The following BCAS3 variants were observed in gnomAD, a reference collection of about 807,000 sequenced individuals.
The protein encoded by BCAS3 is BCAS4/BCAS3 fusion.
Under a neutral mutation model 116.1 loss-of-function variants are expected in BCAS3, and 53 were observed. The ratio of observed to expected loss-of-function variants is 0.46; its 90% CI spans 0.37 to 0.57. The LOEUF is 0.57. Ranked by LOEUF, BCAS3 falls within the 20% of genes least tolerant of loss-of-function variation. The pLI is 0.00. For synonymous variants in BCAS3, 391 were observed against 408.2 expected (o/e 0.96, Z 0.51); for missense variants, 917 against 1,165.4 (o/e 0.79, Z 3.10).
chr17:61,288,688 G>A (rs7215706), intron 22 of BCAS3, among the ~76,000 whole-genome samples: 93,252 of 152,042 alleles, frequency 0.61, 31,287 homozygotes, highest in South Asian at 0.84. Context: ...ATGGCGCACT[G>A]AAGGACTGGA....
chr17:60,951,760 CTTTCT>C (rs1315742638), intron 14 of BCAS3, among the ~76,000 whole-genome samples: 3 of 121,686 alleles, frequency 2.5e-5, no homozygotes, highest in African/African-American at 9.6e-5. Context: ...ATTTTCTTTT[CTTTCT>C]TTTTTTTTTT....
At chr17:60,693,677 T>C (rs1047734644) in intron 4 of BCAS3, among the ~76,000 whole-genome samples, 3 of 151,668 alleles carry the variant, frequency 2.0e-5, no homozygotes, top group African/African-American at 7.3e-5. Context: ...CCTCATAAAG[T>C]ACTGGGATTG....
intron 4 of BCAS3, among the ~76,000 whole-genome samples, chr17:60,708,606 C>T (rs2037477536): frequency 6.6e-6 from 1 of 152,090 alleles, no homozygotes; most frequent in African/African-American, 2.4e-5. Context: ...TCTTGGCTCA[C>T]TGCAACCTCT....
rs552542691 is a variant in BCAS3, at chr17:60,760,308, C to T, written c.403+13029C>T. The stretch of plus-strand genomic sequence containing the variant: ...TACCAGTGAGTTTTATATTTTTGTG[C>T]ATTTTCATGATAGGGTATGTGTTAT... On this transcript the variant is annotated intron_variant, in intron 6 of 23. Transcript: ENST00000407086. Among the ~76,000 whole-genome samples the T allele has an allele frequency of 2.1e-4, 32 of 152,098 alleles. No homozygotes were observed. In the South Asian group the frequency reaches 4.2e-3, roughly 20 times the overall value.
At chr17:61,081,798 G>A (rs2072635804) in intron 21 of BCAS3, among the ~76,000 whole-genome samples, 1 of 152,088 alleles carries the variant, frequency 6.6e-6, no homozygotes, top group South Asian at 2.1e-4. Flanking sequence ...GATCACTCTA[G>A]CCCAGCTCCT....
rs530472288 is a variant in BCAS3, at chr17:61,339,739, C to T, written c.2426-28588C>T. Among the ~76,000 whole-genome samples the T allele has an allele frequency of 6.7e-5, 10 of 148,220 alleles. No homozygotes were observed. Among genetic ancestry groups the T allele is most frequent in the South Asian group, 2.2e-4 (1 of 4,584 alleles). ...TGAGATCGCGCCACTGTACTCCAGT[C>T]GGGGCGACAAAGCGAGACCCCATCT... is the stretch of plus-strand genomic sequence containing the variant. On this transcript the variant is annotated intron_variant, in intron 22 of 23. Coordinates refer to ENST00000407086, the MANE Select transcript of BCAS3 (RefSeq NM_017679.5). This position sits in a 1 kb window ranked among gnomAD's most constrained non-coding sequence, Gnocchi z 4.4.
rs117363689 is a variant in BCAS3, at chr17:61,244,344, T to A, written c.2426-123983T>A. The stretch of plus-strand genomic sequence containing the variant: ...CACACTGAGCTTATTTACCATTAGG[T>A]AATGAGTCTTACCTGTCCAGTAATG... On this transcript the variant is annotated intron_variant, in intron 22 of 23. Coordinates refer to ENST00000407086, the MANE Select transcript of BCAS3 (RefSeq NM_017679.5). This position sits in a 1 kb window ranked among gnomAD's most constrained non-coding sequence, Gnocchi z 4.9. Among the ~76,000 whole-genome samples the A allele has an allele frequency of 1.7e-3, 253 of 152,294 alleles. 7 individuals carry two copies. In the East Asian group the frequency reaches 0.041, roughly 24 times the overall value.
intron 16 of BCAS3, among the ~76,000 whole-genome samples, chr17:61,024,018 A>G (rs2066052395): frequency 6.6e-6 from 1 of 152,284 alleles, no homozygotes; most frequent in South Asian, 2.1e-4. Flanking sequence ...TCCCACTCAC[A>G]TCATCTCTTT....
intron 22 of BCAS3, among the ~76,000 whole-genome samples, chr17:61,319,212 G>T (rs1159550925): frequency 6.6e-6 from 1 of 152,140 alleles, no homozygotes; most frequent in East Asian, 1.9e-4. Context: ...AGGTAGCCAG[G>T]GTCAGAGAAT....
intron 9 of BCAS3, among the ~76,000 whole-genome samples, chr17:60,880,815 ATC>A (rs1251768252): frequency 2.0e-5 from 3 of 152,088 alleles, no homozygotes; most frequent in African/African-American, 7.2e-5. Flanking sequence ...CCATTTGTAT[ATC>A]TCTGTCCATT....
chr17:60,839,481 C>T (rs952064472), intron 7 of BCAS3, among the ~76,000 whole-genome samples: 2 of 151,960 alleles, frequency 1.3e-5, no homozygotes, highest in South Asian at 2.1e-4. Flanking sequence ...ATAAGTTGTG[C>T]GAGTGTCGGA....
chr17:61,064,806 ACAGGG>A (rs2070440265), intron 19 of BCAS3, among the ~76,000 whole-genome samples: 1 of 152,224 alleles, frequency 6.6e-6, no homozygotes, highest in Non-Finnish European at 1.5e-5. Context: ...CTATGGTACT[ACAGGG>A]TCAGGGCACA....
chr17:60,693,955 G>A (rs2035227430), intron 4 of BCAS3, among the ~76,000 whole-genome samples: 1 of 136,402 alleles, frequency 7.3e-6, no homozygotes, highest in African/African-American at 2.9e-5. Flanking sequence ...GCGTGATCTT[G>A]GCTCACTGCA....
At chr17:60,704,155 C>T (rs182056953) in intron 4 of BCAS3, among the ~76,000 whole-genome samples, 4 of 152,142 alleles carry the variant, frequency 2.6e-5, no homozygotes, top group African/African-American at 9.6e-5. Flanking sequence ...CAGGGGAGTT[C>T]CCAGATACCA....
chr17:60,971,664 G>GA (rs2061969489), intron 14 of BCAS3, among the ~76,000 whole-genome samples: 1 of 152,190 alleles, frequency 6.6e-6, no homozygotes, highest in Non-Finnish European at 1.5e-5. Flanking sequence ...AGTGCCTCTT[G>GA]AGCCAGTGGC....
chr17:61,116,386 A>G (rs2075453953), intron 22 of BCAS3, among the ~76,000 whole-genome samples: 1 of 152,112 alleles, frequency 6.6e-6, no homozygotes, highest in Non-Finnish European at 1.5e-5. Flanking sequence ...TATTTCACCA[A>G]TTTGAGTGTA....
At chr17:61,298,764 C>T (rs2053163289) in intron 22 of BCAS3, among the ~76,000 whole-genome samples, 1 of 151,892 alleles carries the variant, frequency 6.6e-6, no homozygotes, top group African/African-American at 2.4e-5. Flanking sequence ...GTGTGGGCTG[C>T]CTTCCAGTTC....
intron 19 of BCAS3, among the ~76,000 whole-genome samples, chr17:61,061,817 A>C (rs986756563): frequency 9.2e-5 from 14 of 152,238 alleles, no homozygotes; most frequent in African/African-American, 3.4e-4. Flanking sequence ...TGCTTTCAGC[A>C]AATAATCATT....
At chr17:60,710,864 A>G (rs1009360393) in intron 5 of BCAS3, among the ~76,000 whole-genome samples, 1 of 148,462 alleles carries the variant, frequency 6.7e-6, no homozygotes, top group Admixed American at 6.8e-5. Flanking sequence ...GGGCAGTGGC[A>G]TGATTGTAAT....
Sources: allele counts gnomAD v4.1 joint callset (sites outside exome capture counted in the v4.1 genomes callset), GRCh38; gene constraint gnomAD v4.1.1; non-coding constraint Gnocchi (gnomAD v3.1); transcripts MANE v1.5; gene names NCBI Gene and HGNC (gene_info 2026-07-23, HGNC 2026-07-21).